CSMD1: variants seen among roughly 807,000 people sequenced by gnomAD.
The protein encoded by CSMD1 is CUB and Sushi multiple domains 1, also known as CUB and sushi domain-containing protein 1.
Under a neutral mutation model 417.5 loss-of-function variants are expected in CSMD1, and 213 were observed. That is an observed-to-expected ratio of 0.51 (90% CI 0.46 to 0.57). The LOEUF (loss-of-function observed/expected upper bound fraction) is 0.57, where lower values mean the gene tolerates loss of function less well. CSMD1 is among the 20% of genes least tolerant of loss of function. The pLI is 0.00. For missense variants in CSMD1, 6,923 were observed against 4,529.7 expected (o/e 1.53, Z -15.17); for synonymous variants, 2,862 against 1,736.8 (o/e 1.65, Z -16.11).
chr8:4,134,395 C>T (rs1216668894), intron 3 of CSMD1, among the ~76,000 whole-genome samples: 2 of 152,146 alleles, frequency 1.3e-5, no homozygotes, highest in Non-Finnish European at 2.9e-5. Context: ...CAGAAAGGCA[C>T]AAAGGGATGA....
chr8:4,115,999 TA>T (rs1802119081), intron 3 of CSMD1, among the ~76,000 whole-genome samples: 1 of 122,258 alleles, frequency 8.2e-6, no homozygotes, highest in Admixed American at 8.8e-5. Flanking sequence ...TTTATTTATT[TA>T]TTTATTTATT....
chr8:4,026,266 T>C (rs1007551747), intron 4 of CSMD1, among the ~76,000 whole-genome samples: 3 of 152,156 alleles, frequency 2.0e-5, no homozygotes, highest in African/African-American at 4.8e-5. Context: ...TAACATGTAA[T>C]GGAACGCAAT....
intron 1 of CSMD1, among the ~76,000 whole-genome samples, chr8:4,781,738 C>A (rs977920231): frequency 6.6e-6 from 1 of 152,140 alleles, no homozygotes; most frequent in Non-Finnish European, 1.5e-5. Context: ...GAAATGCTTA[C>A]TATATGGTAA....
At chr8:4,764,872 C>CAAAAAAAAAAAAAAAAAAAAA (rs1194894751) in intron 1 of CSMD1, among the ~76,000 whole-genome samples, 6 of 50,926 alleles carry the variant, frequency 1.2e-4, no homozygotes, top group African/African-American at 2.5e-4. Context: ...GACTCCATCT[C>CAAAAAAAAAAAAAAAAAAAAA]AAAAAAAAAA....
At chr8:4,100,768 A>G (rs1218810943) in intron 3 of CSMD1, among the ~76,000 whole-genome samples, 1 of 152,236 alleles carries the variant, frequency 6.6e-6, no homozygotes, top group Non-Finnish European at 1.5e-5. Flanking sequence ...AAATGAAGTC[A>G]TCGATCTTAC....
intron 33 of CSMD1, among the ~76,000 whole-genome samples, chr8:3,193,351 G>C (rs1426750589): frequency 6.6e-6 from 1 of 152,130 alleles, no homozygotes; most frequent in African/African-American, 2.4e-5. Context: ...ATGTTTTTTA[G>C]AGGAAGAAGT....
At chr8:4,041,407 T>C (rs182834776) in intron 3 of CSMD1, among the ~76,000 whole-genome samples, 1 of 152,340 alleles carries the variant, frequency 6.6e-6, no homozygotes, top group African/African-American at 2.4e-5. Context: ...AAATCAAGCT[T>C]ACTACTACGA....
intron 26 of CSMD1, among the ~76,000 whole-genome samples, chr8:3,261,470 C>G (rs1465061709): frequency 6.6e-6 from 1 of 152,132 alleles, no homozygotes; most frequent in Non-Finnish European, 1.5e-5. Context: ...GAAGAACTTA[C>G]TCGTGTAACC....
At chr8:4,581,736 G>A (rs540518410) in intron 2 of CSMD1, among the ~76,000 whole-genome samples, 283 of 152,252 alleles carry the variant, frequency 1.9e-3, no homozygotes, top group African/African-American at 6.4e-3. Context: ...TTCCCAGAGG[G>A]CCCTCACCTC....
intron 5 of CSMD1, among the ~76,000 whole-genome samples, chr8:3,775,055 C>A (rs182114433): frequency 2.0e-5 from 3 of 152,104 alleles, no homozygotes; most frequent in Admixed American, 6.5e-5. Context: ...GAATAGCATA[C>A]AATTTAAAAC....
chr8:4,036,699 C>T (rs771729581), intron 3 of CSMD1, among the ~76,000 whole-genome samples: 2 of 152,198 alleles, frequency 1.3e-5, no homozygotes, highest in Non-Finnish European at 2.9e-5. Flanking sequence ...CTCATTGTAT[C>T]TGACGTAAAG....
chr8:3,562,354 A>C, intron 10 of CSMD1, among the ~76,000 whole-genome samples: 1 of 152,088 alleles, frequency 6.6e-6, no homozygotes, highest in Non-Finnish European at 1.5e-5. Flanking sequence ...CAGTATTGCT[A>C]ATGGGACACA....
rs114687395 is a variant in CSMD1, at chr8:3,413,810, C to G, written c.1562-4205G>C. Among the ~76,000 whole-genome samples, 506 of 152,176 alleles carry G rather than the reference C, an allele frequency of 3.3e-3. 1 individual carries two copies. Among genetic ancestry groups the G allele is most frequent in the Middle Eastern group, 0.014 (4 of 294 alleles). On this transcript the variant is annotated intron_variant, in intron 12 of 69. Coordinates refer to ENST00000635120, the MANE Select transcript of CSMD1 (RefSeq NM_033225.6). Reference sequence around the variant, plus strand: ...GTATGTGTGTCAAACCCCCTTCTCTCTATGTCAGAGACGATTTTAACACAT... The same window carrying G: ...GTATGTGTGTCAAACCCCCTTCTCTGTATGTCAGAGACGATTTTAACACAT...
chr8:3,070,159 T>C (rs1003885556), intron 49 of CSMD1, among the ~76,000 whole-genome samples: 1 of 152,210 alleles, frequency 6.6e-6, no homozygotes, highest in African/African-American at 2.4e-5. Flanking sequence ...AGGTCTCTGA[T>C]GGGAGGGTCT....
chr8:3,391,507 T>C lies in CSMD1; in HGVS notation c.2594-3825A>G, dbSNP rs189311237. On this transcript the variant is annotated intron_variant, in intron 17 of 69. Coordinates refer to ENST00000635120, the MANE Select transcript of CSMD1 (RefSeq NM_033225.6). ...TCTGGAGCGAGAATGCAATCGCTAT[T>C]ATATACAGACACTGTGCCACATTCC... is the stretch of plus-strand genomic sequence containing the variant. Among the ~76,000 whole-genome samples the C allele has an allele frequency of 1.4e-3, 213 of 152,284 alleles. 1 individual carries two copies. Among genetic ancestry groups the C allele is most frequent in the Middle Eastern group, 6.8e-3 (2 of 294 alleles).
chr8:4,902,341 G>A (rs929475267), intron 1 of CSMD1, among the ~76,000 whole-genome samples: 8 of 151,540 alleles, frequency 5.3e-5, no homozygotes, highest in Admixed American at 2.0e-4. Context: ...GGAGACTGAG[G>A]CAGAAGGATT....
At chr8:3,765,596 T>C (rs909878565) in intron 5 of CSMD1, among the ~76,000 whole-genome samples, 1 of 152,222 alleles carries the variant, frequency 6.6e-6, no homozygotes, top group African/African-American at 2.4e-5. Context: ...TCTTTACTTT[T>C]ATTTTTGCTC....
At chr8:2,970,299 A>G (rs1323987411) in intron 57 of CSMD1, among the ~76,000 whole-genome samples, 1 of 152,176 alleles carries the variant, frequency 6.6e-6, no homozygotes, top group African/African-American at 2.4e-5. Context: ...TAAGTTTTCA[A>G]AACTGAAATA....
At chr8:3,305,189 T>TA (rs1210773865) in intron 25 of CSMD1, among the ~76,000 whole-genome samples, 1 of 152,208 alleles carries the variant, frequency 6.6e-6, no homozygotes, top group Non-Finnish European at 1.5e-5. Flanking sequence ...CTGGCCTATT[T>TA]ATTTCCATAG....
Sources: allele counts gnomAD v4.1 joint callset (sites outside exome capture counted in the v4.1 genomes callset), GRCh38; gene constraint gnomAD v4.1.1; transcripts MANE v1.5; gene names NCBI Gene and HGNC (gene_info 2026-07-23, HGNC 2026-07-21).